STK39: variants seen among roughly 807,000 people sequenced by gnomAD.
The protein encoded by STK39 is serine/threonine kinase 39, also known as STE20/SPS1-related proline-alanine-rich protein kinase.
In STK39, 20 loss-of-function variants were observed where a neutral mutation model predicts 77.8. That is an observed-to-expected ratio of 0.26 (90% CI 0.18 to 0.37). STK39 has a LOEUF of 0.37. Ranked by LOEUF, STK39 falls within the 10% of genes least tolerant of loss-of-function variation. STK39 has a pLI of 1.00. For synonymous variants in STK39, 246 were observed against 234.1 expected (o/e 1.05, Z -0.47); for missense variants, 479 against 656.5 (o/e 0.73, Z 2.95).
At chr2:168,072,123 G>A (rs1415537560) in intron 12 of STK39, among the ~76,000 whole-genome samples, 1 of 152,168 alleles carries the variant, frequency 6.6e-6, no homozygotes, top group Admixed American at 6.5e-5. Flanking sequence ...TGGAAAGATT[G>A]CAAAAACAAT....
intron 17 of STK39, among the ~76,000 whole-genome samples, chr2:167,962,179 T>C (rs1255640283): frequency 6.6e-6 from 1 of 152,142 alleles, no homozygotes; most frequent in African/African-American, 2.4e-5. Context: ...AAAATAATGA[T>C]AAAAAGCTGA....
intron 1 of STK39, among the ~76,000 whole-genome samples, chr2:168,222,663 T>A (rs1690203995): frequency 2.6e-5 from 4 of 152,170 alleles, no homozygotes; most frequent in Admixed American, 2.0e-4. Context: ...CACTAAAATA[T>A]AAGGTTTGAA....
intron 14 of STK39, among the ~76,000 whole-genome samples, chr2:168,032,233 G>A (rs1684847892): frequency 6.6e-6 from 1 of 152,278 alleles, no homozygotes; most frequent in South Asian, 2.1e-4. Flanking sequence ...ATTTTCCTCA[G>A]TGTTTAAACA....
chr2:168,049,021 T>G (rs1471825068), intron 14 of STK39, among the ~76,000 whole-genome samples: 1 of 152,210 alleles, frequency 6.6e-6, no homozygotes, highest in Non-Finnish European at 1.5e-5. Flanking sequence ...GAACAAGTGA[T>G]AGCTCTGATA....
chr2:168,056,958 A>G (rs1685542602), intron 14 of STK39, among the ~76,000 whole-genome samples: 1 of 152,180 alleles, frequency 6.6e-6, no homozygotes, highest in Non-Finnish European at 1.5e-5. Context: ...AGGGAACAAT[A>G]CTGGATAGTG....
intron 1 of STK39, among the ~76,000 whole-genome samples, chr2:168,221,826 T>C (rs1210957469): frequency 1.4e-5 from 2 of 147,666 alleles, no homozygotes; most frequent in African/African-American, 4.9e-5. Flanking sequence ...AATAAAGAGA[T>C]GGAGGATAAT....
At chr2:168,014,002 C>A (rs1305828332) in intron 15 of STK39, among the ~76,000 whole-genome samples, 2 of 151,410 alleles carry the variant, frequency 1.3e-5, no homozygotes, top group Admixed American at 6.6e-5. Context: ...TTGAAACACA[C>A]CTTACACTTT....
At chr2:168,097,488 G>C (rs766934586) in intron 10 of STK39, among the ~76,000 whole-genome samples, 2 of 152,170 alleles carry the variant, frequency 1.3e-5, no homozygotes, top group East Asian at 3.9e-4. Context: ...ACTTTGGGAG[G>C]ATGAGGCAGG....
intron 5 of STK39, among the ~76,000 whole-genome samples, chr2:168,147,184 A>T (rs1293204318): frequency 6.6e-6 from 1 of 152,244 alleles, no homozygotes; most frequent in African/African-American, 2.4e-5. Flanking sequence ...GGTTAATCCT[A>T]AATGTCATAT....
chr2:168,011,941 G>A (rs952324054), intron 16 of STK39, among the ~76,000 whole-genome samples: 11 of 152,156 alleles, frequency 7.2e-5, no homozygotes, highest in Admixed American at 2.6e-4. Flanking sequence ...CTGAAAAAAC[G>A]AATTCTAAGT....
intron 10 of STK39, among the ~76,000 whole-genome samples, chr2:168,117,060 ATAATACAAAGTGCATAATT>A (rs1687278065): frequency 6.6e-6 from 1 of 152,226 alleles, no homozygotes. Context: ...TTGTTGTCAA[ATAATACAAAGTGCATAATT>A]CACAATTATT....
chr2:168,009,476 T>G (rs757215590), intron 16 of STK39, among the ~76,000 whole-genome samples: 2 of 152,198 alleles, frequency 1.3e-5, no homozygotes, highest in Non-Finnish European at 2.9e-5. Context: ...AGGGTGAAGG[T>G]ATAAATTATA....
At chr2:168,101,292 A>AC (rs1686817540) in intron 10 of STK39, among the ~76,000 whole-genome samples, 2 of 152,184 alleles carry the variant, frequency 1.3e-5, no homozygotes, top group African/African-American at 4.8e-5. Flanking sequence ...CCACCATGGC[A>AC]CATGTATACC....
At chr2:167,994,655 T>C (rs527972309) in intron 16 of STK39, among the ~76,000 whole-genome samples, 1 of 152,364 alleles carries the variant, frequency 6.6e-6, no homozygotes, top group African/African-American at 2.4e-5. Flanking sequence ...CTCTATGGAT[T>C]TAACCATTGT....
chr2:168,227,558 G>C (rs1019804859), intron 1 of STK39, among the ~76,000 whole-genome samples: 6 of 152,210 alleles, frequency 3.9e-5, no homozygotes, highest in African/African-American at 1.4e-4. Context: ...TTCATACGAA[G>C]TCACTATGAA....
At chr2:168,245,253 G>T (rs1690868809) in intron 1 of STK39, among the ~76,000 whole-genome samples, 1 of 152,186 alleles carries the variant, frequency 6.6e-6, no homozygotes, top group African/African-American at 2.4e-5. Flanking sequence ...GAAATACTCT[G>T]CTTCCTTCTC....
chr2:168,024,079 T>G (rs1282879208), intron 14 of STK39, among the ~76,000 whole-genome samples: 1 of 152,164 alleles, frequency 6.6e-6, no homozygotes, highest in African/African-American at 2.4e-5. Flanking sequence ...AAGCTAGGAA[T>G]TGGTCAGGAC....
intron 14 of STK39, among the ~76,000 whole-genome samples, chr2:168,043,382 G>T (rs1168908092): frequency 6.6e-6 from 1 of 151,958 alleles, no homozygotes; most frequent in Non-Finnish European, 1.5e-5. Context: ...TTTTTAAATT[G>T]AAAATAAATA....
At chr2:168,196,191 C>T in intron 1 of STK39, among the ~76,000 whole-genome samples, 1 of 152,144 alleles carries the variant, frequency 6.6e-6, no homozygotes, top group East Asian at 1.9e-4. Flanking sequence ...ACATGATCAC[C>T]TCAATTTACA....
Sources: allele counts gnomAD v4.1 joint callset (sites outside exome capture counted in the v4.1 genomes callset), GRCh38; gene constraint gnomAD v4.1.1; transcripts MANE v1.5; gene names NCBI Gene and HGNC (gene_info 2026-07-23, HGNC 2026-07-21).